IGF2R: variants seen among roughly 807,000 people sequenced by gnomAD.
IGF2R encodes insulin like growth factor 2 receptor, also known as cation-independent mannose-6-phosphate receptor.
In IGF2R, 91 loss-of-function variants were observed where a neutral mutation model predicts 270.6. The observed-to-expected ratio is 0.34, with a 90% CI of 0.28 to 0.40. The LOEUF is 0.40. Ranked by LOEUF, IGF2R falls within the 10% of genes least tolerant of loss-of-function variation. The pLI is 1.00. For synonymous variants in IGF2R, 1,316 were observed against 1,258.9 expected, an observed-to-expected ratio of 1.05 and a Z score of -0.96; for missense variants, 2,805 against 3,188.3, an observed-to-expected ratio of 0.88 and a Z score of 2.90.
chr6:160,086,752 G>GTCCCACC (rs1472451409), intron 41 of IGF2R, among the ~76,000 whole-genome samples: 2 of 152,220 alleles, frequency 1.3e-5, no homozygotes, highest in Non-Finnish European at 2.9e-5. Flanking sequence ...AGAGCCTAGA[G>GTCCCACC]TCCCACCTCC....
chr6:160,024,548 C>T (rs766300847), intron 4 of IGF2R, 24 bp from the exon 5 acceptor site: 5 of 1,612,688 alleles, frequency 3.1e-6, no homozygotes, highest in South Asian at 1.1e-5. Flanking sequence ...ACTGAAGACT[C>T]ACTTTTTTCT....
Position 159,973,217 on chromosome 6 carries a change from CT to C in IGF2R, c.149+3824del, listed in dbSNP as rs1783639214. On this transcript the variant is annotated intron_variant, in intron 1 of 47. Transcript: ENST00000356956. ...ACAACAGTGTCTAAAGTGATCTCAGCTTGTCAGTGGCTTTACTTATTACCAT... is the reference window on the plus strand; with the variant it reads ...ACAACAGTGTCTAAAGTGATCTCAGCTGTCAGTGGCTTTACTTATTACCAT... Among the ~76,000 whole-genome samples the C allele has an allele frequency of 1.3e-5, 2 of 152,108 alleles. 1 individual carries two copies. The highest frequency in any genetic ancestry group is 4.1e-4 in the South Asian group (2 of 4,826).
chr6:160,062,479 A>G, intron 25 of IGF2R, 53 bp from the exon 26 acceptor site: 2 of 1,431,664 alleles, frequency 1.4e-6, no homozygotes, highest in South Asian at 1.1e-5. Context: ...GCCCCATTTG[A>G]TTAATTTTTA....
At chr6:160,042,053 GGAGAGATAC>G (rs546910352) in intron 11 of IGF2R, among the ~76,000 whole-genome samples, 207 of 152,108 alleles carry the variant, frequency 1.4e-3, no homozygotes, top group Non-Finnish European at 2.3e-3. Context: ...TATGAGATAA[GGAGAGATAC>G]ATTTTTCAAT....
intron 4 of IGF2R, among the ~76,000 whole-genome samples, chr6:160,013,640 G>A (rs182545595): frequency 2.2e-4 from 33 of 152,158 alleles, no homozygotes; most frequent in Non-Finnish European, 1.5e-4. Context: ...AGAGCCTATT[G>A]TGAGCTAAGC....
chr6:160,056,189 G>A (rs1778313310), intron 19 of IGF2R, among the ~76,000 whole-genome samples: 1 of 152,122 alleles, frequency 6.6e-6, no homozygotes, highest in Non-Finnish European at 1.5e-5. Context: ...TTTACTGCTG[G>A]CACGATTTCT....
At chr6:160,036,891 TG>T (rs2115237751) in intron 10 of IGF2R, among the ~76,000 whole-genome samples, 1 of 152,182 alleles carries the variant, frequency 6.6e-6, no homozygotes, top group East Asian at 1.9e-4. Flanking sequence ...TATGAAATCA[TG>T]GGCCCAGAGG....
Position 160,064,517 on chromosome 6 carries a change from C to A in IGF2R, c.4003C>A (p.Arg1335Ser), listed in dbSNP as rs144472377. The change falls in exon 28 of 48, where the codon CGC (arginine) becomes AGC (serine). Residue 1335 changes from arginine (R) to serine (S), a missense_variant. This residue lies in a region of IGF2R where 1,851 missense variants were observed against 2,207.2 expected (regional missense o/e 0.84). Transcript: ENST00000356956. ...RSTAIFFYCD[R>S]GTQRPVFLKE... Reference sequence around the variant, plus strand: ...CACAGCCATCTTCTTCTACTGTGACCGCGGCACCCAGCGGGTGAGCATGTA... The same window carrying A: ...CACAGCCATCTTCTTCTACTGTGACAGCGGCACCCAGCGGGTGAGCATGTA... 8 of 1,614,128 alleles carry A rather than the reference C, an allele frequency of 5.0e-6. No homozygotes were observed. The highest frequency in any genetic ancestry group is 2.7e-5 in the African/African-American group (2 of 75,014).
chr6:160,104,817 T>C lies in IGF2R; in HGVS notation c.7209T>C (p.His2403=), dbSNP rs767479355. 48 of 1,614,004 alleles carry C rather than the reference T, an allele frequency of 3.0e-5. 1 individual carries two copies. In the South Asian group the frequency reaches 5.2e-4, roughly 17 times the overall value. Residue 2403 remains histidine (H), a synonymous_variant, in exon 48 of 48, where the codon CAT becomes CAC. Coordinates refer to ENST00000356956, the MANE Select transcript of IGF2R (RefSeq NM_000876.4). ...CAGTGAAAGCCCTCAGCTCCCTGCA[T>C]GGGGATGACCAGGACAGTGAGGATG... ...TKSVKALSSL[H]GDDQDSEDEV...
intron 10 of IGF2R, 96 bp downstream of exon 10, chr6:160,034,618 G>A (rs1372818818): frequency 6.3e-6 from 5 of 795,828 alleles, no homozygotes; most frequent in Non-Finnish European, 1.1e-5. Context: ...AACACTGAAT[G>A]GAGGAGTCAG....
chr6:159,980,239 G>GAAAGAAAGAAAGAAAGAAAGAAA (rs1562330724), intron 1 of IGF2R, among the ~76,000 whole-genome samples: 1 of 145,870 alleles, frequency 6.9e-6, no homozygotes, highest in African/African-American at 2.6e-5. Context: ...AAGAAAGAAA[G>GAAAGAAAGAAAGAAAGAAAGAAA]GTACATGGAA....
At chr6:160,089,006 C>A in intron 42 of IGF2R, 101 bp from the exon 43 acceptor site, 2 of 1,206,732 alleles carry the variant, frequency 1.7e-6, no homozygotes, top group Non-Finnish European at 2.3e-6. Context: ...TGACTGAAAG[C>A]CAGTGAGCTG....
Position 160,072,032 on chromosome 6 carries a change from C to T in IGF2R, c.4566C>T (p.Ser1522=), listed in dbSNP as rs746382329. The change falls in exon 32 of 48, where the codon AGC becomes AGT. Residue 1522 remains serine (S), a synonymous_variant. Transcript: ENST00000356956. The part of the protein sequence containing the change: ...EHDDCQVTNP[S]TGHLFDLSSL... ...ATGACTGCCAGGTCACCAACCCAAG[C>T]ACAGGTGAGAGGTGGTGCCAGTCGT... The T allele has an allele frequency of 3.1e-6, 5 of 1,614,166 alleles. No homozygotes were observed. The highest frequency in any genetic ancestry group is 2.5e-6 in the Non-Finnish European group (3 of 1,180,016).
chr6:160,063,636 A>G lies in IGF2R; in HGVS notation c.3886+6A>G, dbSNP rs1338021121. 1.2e-5 allele frequency: 19 copies of G among 1,604,150 alleles called. No homozygotes were observed. Among genetic ancestry groups the G allele is most frequent in the East Asian group, 2.2e-5 (1 of 44,802 alleles). ...GGGATTTCACAAAGTGGCAGGTACC[A>G]TTGTTTGTCGTTTTCCTTTTGTTGC... On this transcript the variant is annotated splice_donor_region_variant and intron_variant, in intron 27 of 47. Coordinates refer to ENST00000356956, the MANE Select transcript of IGF2R (RefSeq NM_000876.4).
intron 29 of IGF2R, among the ~76,000 whole-genome samples, 189 bp from the exon 30 acceptor site, chr6:160,068,060 T>TGGG (rs368684860): frequency 2.5e-4 from 29 of 117,926 alleles, no homozygotes; most frequent in Admixed American, 1.8e-3. Flanking sequence ...CTGATTCTGA[T>TGGG]GGGGGGTGTG....
intron 1 of IGF2R, among the ~76,000 whole-genome samples, chr6:159,973,555 A>G (rs921335759): frequency 2.0e-5 from 3 of 151,912 alleles, no homozygotes; most frequent in Non-Finnish European, 4.4e-5. Flanking sequence ...TTTCCCTGTA[A>G]TTTTTCCAAA....
intron 35 of IGF2R, 57 bp from the exon 36 acceptor site, chr6:160,075,790 C>G: frequency 6.4e-7 from 1 of 1,568,788 alleles, no homozygotes. Context: ...CTTAATTCCA[C>G]TAACCTTGGG....
intron 1 of IGF2R, among the ~76,000 whole-genome samples, chr6:159,986,091 A>G (rs1783878899): frequency 6.6e-6 from 1 of 152,196 alleles, no homozygotes; most frequent in East Asian, 1.9e-4. Context: ...GGGCCTTTGC[A>G]GTTCTCCCCG....
intron 44 of IGF2R, chr6:160,094,211 T>C: frequency 2.9e-6 from 1 of 345,712 alleles, no homozygotes. Context: ...CTATTTCTTC[T>C]CAGTATCCAT....
Sources: gnomAD v4.1 joint callset for allele counts (sites outside exome capture counted in the v4.1 genomes callset) on GRCh38, gnomAD v4.1.1 for gene constraint, gnomAD v4.1.1 regional missense constraint, MANE v1.5 for transcripts, NCBI Gene and HGNC (gene_info 2026-07-23, HGNC 2026-07-21) for gene names.